Variants in LYPLAL1 observed in about 807,000 individuals in gnomAD.
LYPLAL1 encodes the protein lysophospholipase-like protein 1.
In LYPLAL1, 23 loss-of-function variants were observed where a neutral mutation model predicts 19.7. That is an observed-to-expected ratio of 1.17 (90% confidence interval 0.84 to 1.65). The LOEUF (loss-of-function observed/expected upper bound fraction) is 1.65, where lower values mean the gene tolerates loss of function less well. Ranked by LOEUF, LYPLAL1 falls within the 40% of genes most tolerant of loss-of-function variation. LYPLAL1 has a pLI of 0.00. For synonymous variants in LYPLAL1, 119 were observed against 96.3 expected, an observed-to-expected ratio of 1.24 and a Z score of -1.38; for missense variants, 355 against 279.4, an observed-to-expected ratio of 1.27 and a Z score of -1.93.
the LYPLAL1 span, among the ~76,000 whole-genome samples, chr1:219,287,207 A>G: frequency 6.6e-6 from 1 of 152,200 alleles, no homozygotes; most frequent in Non-Finnish European, 1.5e-5. Flanking sequence ...GGTGAGGAAG[A>G]ATGACAAGGA....
the LYPLAL1 span, chr1:219,272,587 A>T: frequency 1.3e-5 from 2 of 152,168 alleles, no homozygotes; most frequent in Non-Finnish European, 2.9e-5. Flanking sequence ...CCTGGCCAAT[A>T]TGGTGAAACC....
the LYPLAL1 span, among the ~76,000 whole-genome samples, chr1:219,230,097 C>T: frequency 6.6e-6 from 1 of 152,142 alleles, no homozygotes; most frequent in African/African-American, 2.4e-5. Context: ...TATTCAACAA[C>T]TTAAAAACTG....
chr1:219,323,341 T>C, the LYPLAL1 span, among the ~76,000 whole-genome samples: 1 of 152,202 alleles, frequency 6.6e-6, no homozygotes, highest in African/African-American at 2.4e-5. Flanking sequence ...TTGTAAAGAC[T>C]TCCTGTCAAT....
chr1:219,290,507 G>A, the LYPLAL1 span, among the ~76,000 whole-genome samples: 4 of 152,114 alleles, frequency 2.6e-5, no homozygotes. Flanking sequence ...ACAAAATACA[G>A]TGATTAAGAA....
the LYPLAL1 span, among the ~76,000 whole-genome samples, chr1:219,410,743 G>A: frequency 1.3e-5 from 2 of 152,220 alleles, no homozygotes; most frequent in African/African-American, 4.8e-5. Flanking sequence ...CCCGCACTCG[G>A]AGCAGCCAGC....
chr1:219,397,791 T>G, the LYPLAL1 span, among the ~76,000 whole-genome samples: 1 of 152,218 alleles, frequency 6.6e-6, no homozygotes, highest in Admixed American at 6.5e-5. Context: ...GAAAAGGATT[T>G]TATTTCTTCT....
the LYPLAL1 span, among the ~76,000 whole-genome samples, chr1:219,306,431 A>G: frequency 6.6e-6 from 1 of 152,330 alleles, no homozygotes; most frequent in East Asian, 1.9e-4. Context: ...AGTAAAGCAC[A>G]CTGCCATCCC....
chr1:219,396,502 C>G, the LYPLAL1 span, among the ~76,000 whole-genome samples: 1 of 152,154 alleles, frequency 6.6e-6, no homozygotes, highest in Admixed American at 6.5e-5. Flanking sequence ...ATAAATTGCT[C>G]TGGGCAGTAT....
chr1:219,200,676 C>T lies in LYPLAL1; in HGVS notation c.361+7425C>T, dbSNP rs911231853. The T allele has an allele frequency of 3.8e-5, 9 of 236,506 alleles. No individual in the cohort carries two copies. In the East Asian group the frequency reaches 4.4e-4, roughly 12 times the overall value. 14.7% of individuals were successfully genotyped at this position (236,506 alleles called of 1,614,324 possible). On this transcript the variant is annotated intron_variant, in intron 3 of 4. Transcript: ENST00000366928. ...CCACGATCTGTCAAAAACCACAACTCGGCAGCCAAAAGAGCTACACATCTT... is the reference window on the plus strand; with the variant it reads ...CCACGATCTGTCAAAAACCACAACTTGGCAGCCAAAAGAGCTACACATCTT...
chr1:219,240,646 T>C, the LYPLAL1 span, among the ~76,000 whole-genome samples: 1 of 152,196 alleles, frequency 6.6e-6, no homozygotes, highest in South Asian at 2.1e-4. Context: ...CCAAAATGAA[T>C]ACTTTAGCAC....
At chr1:219,430,249 C>T in the LYPLAL1 span, among the ~76,000 whole-genome samples, 1 of 130,192 alleles carries the variant, frequency 7.7e-6, no homozygotes, top group Non-Finnish European at 1.5e-5. Context: ...GAGTTGTGAT[C>T]TTGCACTCCA....
chr1:219,188,114 T>C (rs537453513), intron 2 of LYPLAL1, among the ~76,000 whole-genome samples: 8 of 151,952 alleles, frequency 5.3e-5, no homozygotes, highest in African/African-American at 1.9e-4. Flanking sequence ...TTACTGAAAT[T>C]TATTCAGCAA....
At chr1:219,216,859 A>G (rs1345329038), downstream of LYPLAL1, among the ~76,000 whole-genome samples, 1 of 152,084 alleles carries the variant, frequency 6.6e-6, no homozygotes, top group East Asian at 1.9e-4. Context: ...CTTAGAGCTT[A>G]CCTCATTTGT....
the LYPLAL1 span, among the ~76,000 whole-genome samples, chr1:219,240,869 G>A: frequency 6.6e-6 from 1 of 151,602 alleles, no homozygotes; most frequent in Admixed American, 6.6e-5. Context: ...TGGAATGTGG[G>A]TACAAATGAT....
At chr1:219,388,940 G>T in the LYPLAL1 span, among the ~76,000 whole-genome samples, 1 of 152,008 alleles carries the variant, frequency 6.6e-6, no homozygotes, top group Non-Finnish European at 1.5e-5. Context: ...TAATAGGATT[G>T]TGGACTAGAA....
At chr1:219,445,178 A>AT in the LYPLAL1 span, among the ~76,000 whole-genome samples, 40 of 150,908 alleles carry the variant, frequency 2.7e-4, no homozygotes, top group South Asian at 8.4e-4. Flanking sequence ...CTATACTGTA[A>AT]TTTTTTTTTA....
the LYPLAL1 span, among the ~76,000 whole-genome samples, chr1:219,379,185 A>C: frequency 1.3e-5 from 2 of 152,140 alleles, no homozygotes; most frequent in Non-Finnish European, 2.9e-5. Context: ...CCTCTAATTC[A>C]CTATTTTTCA....
the LYPLAL1 span, among the ~76,000 whole-genome samples, chr1:219,363,117 A>C: frequency 1.3e-5 from 2 of 152,152 alleles, no homozygotes; most frequent in East Asian, 3.9e-4. Context: ...AGAATTAAAA[A>C]CGTGGCCAAA....
At chr1:219,360,904 C>T in the LYPLAL1 span, among the ~76,000 whole-genome samples, 1 of 152,080 alleles carries the variant, frequency 6.6e-6, no homozygotes, top group Admixed American at 6.6e-5. Flanking sequence ...CTTTCTGCCT[C>T]ATCAATAGAA....
Sources: gnomAD v4.1 joint callset for allele counts (sites outside exome capture counted in the v4.1 genomes callset) on GRCh38, gnomAD v4.1.1 for gene constraint, MANE v1.5 for transcripts, NCBI Gene and HGNC (gene_info 2026-07-23, HGNC 2026-07-21) for gene names.